The following PES1 variants were observed in gnomAD, a reference collection of about 807,000 sequenced individuals.
PES1 encodes pescadillo ribosomal biogenesis factor 1.
In PES1, 31 loss-of-function variants were observed where a neutral mutation model predicts 77.1. The observed-to-expected ratio is 0.40, with a 90% CI of 0.30 to 0.54. The LOEUF (loss-of-function observed/expected upper bound fraction) is 0.54. PES1 is among the 20% of genes least tolerant of loss of function. The pLI, the probability that PES1 is intolerant of heterozygous loss-of-function variation, is 0.45. For missense variants in PES1, 658 were observed against 771.7 expected, an observed-to-expected ratio of 0.85 and a Z score of 1.75; for synonymous variants, 282 against 303.0, an observed-to-expected ratio of 0.93 and a Z score of 0.72.
At chr22:30,605,973 T>C (rs894443228) in intron 1 of PES1, among the ~76,000 whole-genome samples, 2 of 152,238 alleles carry the variant, frequency 1.3e-5, no homozygotes, top group Non-Finnish European at 2.9e-5. Flanking sequence ...GAAAGGGAAC[T>C]GTTAGGATGA....
chr22:30,578,451 G>C (rs1022546890), intron 14 of PES1, among the ~76,000 whole-genome samples: 1 of 152,182 alleles, frequency 6.6e-6, no homozygotes, highest in Non-Finnish European at 1.5e-5. Flanking sequence ...GCATGAGTTT[G>C]TATTTTTAAT....
rs144358121 is a variant in PES1, at chr22:30,581,014, C to G, written c.910G>C (p.Gly304Arg). The G allele has an allele frequency of 6.2e-7, 1 of 1,612,118 alleles. No homozygotes were observed. The highest frequency in any genetic ancestry group is 2.2e-5 in the East Asian group (1 of 44,876). Residue 304 changes from glycine (G) to arginine (R), a missense_variant and splice_region_variant, in exon 9 of 15, where the codon GGG (glycine) becomes CGG (arginine). Coordinates refer to ENST00000354694, the MANE Select transcript of PES1 (RefSeq NM_014303.4). ...EAEVDEFPTD[G>R]EMSAQEEDRR... The stretch of plus-strand genomic sequence containing the variant: ...CCAGAAGGCAGTGCAGTGCTCACCC[C>G]ATCGGTGGGAAACTCATCCACCTCG...
chr22:30,596,209 G>C (rs1602025362), upstream of PES1, among the ~76,000 whole-genome samples: 1 of 152,130 alleles, frequency 6.6e-6, no homozygotes, highest in Middle Eastern at 3.4e-3. Flanking sequence ...CTTTTCTACT[G>C]GTGTTGAGAT....
At chr22:30,596,951 G>A (rs899190422) in intron 2 of PES1, among the ~76,000 whole-genome samples, 8 of 152,210 alleles carry the variant, frequency 5.3e-5, no homozygotes, top group Admixed American at 2.0e-4. Context: ...GCCCGCACTC[G>A]GAGAAGCCAG....
At chr22:30,598,960 G>A (rs954293338) in intron 2 of PES1, among the ~76,000 whole-genome samples, 3 of 119,520 alleles carry the variant, frequency 2.5e-5, no homozygotes, top group Non-Finnish European at 4.9e-5. Flanking sequence ...GCAGTGGTGC[G>A]ATCTTGGCTC....
Position 30,584,291 on chromosome 22 carries a change from A to T in PES1, c.630+74T>A, listed in dbSNP as rs570832671. On this transcript the variant is annotated intron_variant, in intron 6 of 14. Transcript: ENST00000354694. ...ACTTGCTAAACTCCATGGACAGCAA[A>T]ATCCCCCTTCCTCCACATCCATATC... is the stretch of plus-strand genomic sequence containing the variant. 8 of 1,220,180 alleles carry T rather than the reference A, an allele frequency of 6.6e-6. No individual in the cohort carries two copies. The Admixed American group carries it at 1.2e-4, about 18-fold the overall frequency. The allele number at this position is 1,220,180 out of a possible 1,614,324, so 75.6% of individuals were successfully genotyped here.
At chr22:30,595,621 A>G (rs4820872), upstream of PES1, among the ~76,000 whole-genome samples, 91,355 of 151,222 alleles carry the variant, frequency 0.6, 27,973 homozygotes, top group Middle Eastern at 0.67. Context: ...CCCTGGAGGG[A>G]ACCTTCCCCT....
rs1163466582 is a variant in PES1 at position 30,591,853 on chromosome 22, G to C, written c.-20C>G. 2.6e-6 allele frequency: 4 copies of C among 1,549,780 alleles called. No individual in the cohort carries two copies. The highest frequency in any genetic ancestry group is 2.4e-5 in the East Asian group (1 of 41,230). ...TCCCATCGCTCCACGTTGAGGAGCC[G>C]ACTAGGGCCGCGCGTACAGGGAGCT... is the stretch of plus-strand genomic sequence containing the variant. On this transcript the variant is annotated 5_prime_UTR_variant, in exon 1 of 15. Coordinates refer to ENST00000354694, the MANE Select transcript of PES1 (RefSeq NM_014303.4).
intron 2 of PES1, among the ~76,000 whole-genome samples, chr22:30,596,937 G>GCGGGCCCGCACT (rs546048475): frequency 0.017 from 2,518 of 152,312 alleles, 34 homozygotes; most frequent in South Asian, 0.043. Context: ...CGTGAGCTTG[G>GCGGGCCCGCACT]CGGGCCCGCA....
At chr22:30,580,522 C>A in intron 10 of PES1, 49 bp downstream of exon 10, 1 of 1,608,298 alleles carries the variant, frequency 6.2e-7, no homozygotes, top group Non-Finnish European at 8.5e-7. Context: ...GGACCCAGAC[C>A]AGAGCATGGC....
rs931726788 is a variant in PES1 at position 30,591,898 on chromosome 22, CCCT to C, written c.-68_-66del. On this transcript the variant is annotated 5_prime_UTR_variant, in exon 1 of 15. Transcript: ENST00000354694. ...GGAGCTCCACTTCCTCCCGCACGTG[CCCT>C]GCCAAGGACCCCGAGGACCCTCCCC... The C allele has an allele frequency of 6.6e-6, 10 of 1,524,732 alleles. No individual in the cohort carries two copies. The Admixed American group carries it at 2.1e-4, about 32-fold the overall frequency. The allele number at this position is 1,524,732 out of a possible 1,614,324, so 94.5% of individuals were successfully genotyped here.
At chr22:30,598,884 A>ATTTTTTTTTTTTTTTTTTTTTTTTTT (rs1569031688) in intron 2 of PES1, among the ~76,000 whole-genome samples, 1 of 46,260 alleles carries the variant, frequency 2.2e-5, no homozygotes, top group African/African-American at 7.5e-5. Flanking sequence ...ACTTAAGTAA[A>ATTTTTTTTTTTTTTTTTTTTTTTTTT]ATTTTTTTTT....
At chr22:30,602,766 T>C (rs934964823) in intron 2 of PES1, among the ~76,000 whole-genome samples, 1 of 152,242 alleles carries the variant, frequency 6.6e-6, no homozygotes, top group African/African-American at 2.4e-5. Context: ...TAGTTAGGTC[T>C]ATTTCAAGTT....
chr22:30,580,720 G>A lies in PES1; in HGVS notation c.913-19C>T. 1 of 1,612,414 alleles carries A rather than the reference G, an allele frequency of 6.2e-7. No homozygotes were observed. Among genetic ancestry groups the A allele is most frequent in the Non-Finnish European group, 8.5e-7 (1 of 1,179,980 alleles). ...ACATCTCCTGTTGAGAAAGGGGCCAGGCCTCGCACCACCAGGGCTGCCCAC... is the reference window on the plus strand; with the variant it reads ...ACATCTCCTGTTGAGAAAGGGGCCAAGCCTCGCACCACCAGGGCTGCCCAC... On this transcript the variant is annotated intron_variant, in intron 9 of 14. Transcript: ENST00000354694.
At position 30,579,279 on chromosome 22, in the gene PES1, T is replaced by C; in HGVS notation, c.1379A>G (p.Glu460Gly). Residue 460 changes from glutamate (E) to glycine (G), a missense_variant, in exon 13 of 15, where the codon GAG becomes GGG. By Grantham distance (98) the Glu-to-Gly change is moderately conservative (BLOSUM62 -2). Coordinates refer to ENST00000354694, the MANE Select transcript of PES1 (RefSeq NM_014303.4). ...DPGNLNESEE[E>G]EEEDDNNEGD... is the part of the protein sequence containing the mutation. The stretch of plus-strand genomic sequence containing the variant: ...TTCGTTGTTGTCGTCCTCTTCCTCC[T>C]CCTCTTCTGACTCATTCAGGTTTCC... 6.2e-7 allele frequency: 1 copy of C among 1,601,114 alleles called. No homozygotes were observed. Among genetic ancestry groups the C allele is most frequent in the Non-Finnish European group, 8.5e-7 (1 of 1,179,774 alleles).
chr22:30,605,756 CATTTAAAAT>C (rs894507664), intron 1 of PES1, among the ~76,000 whole-genome samples: 4 of 152,158 alleles, frequency 2.6e-5, no homozygotes, highest in African/African-American at 9.7e-5. Context: ...GACAACCTAT[CATTTAAAAT>C]TTTCAAGTAG....
intron 1 of PES1, 68 bp downstream of exon 1, chr22:30,591,742 A>G: frequency 1.3e-6 from 2 of 1,513,236 alleles, no homozygotes; most frequent in Non-Finnish European, 1.8e-6. Context: ...CCGGGAAAAG[A>G]GTCGACCCCA....
chr22:30,605,144 C>T (rs763995060), intron 2 of PES1, among the ~76,000 whole-genome samples: 2 of 152,118 alleles, frequency 1.3e-5, no homozygotes, highest in Non-Finnish European at 2.9e-5. Flanking sequence ...TACAGGCACA[C>T]ACCACCATCC....
upstream of PES1, chr22:30,592,106 G>A (rs918801275): frequency 2.1e-5 from 27 of 1,279,390 alleles, no homozygotes; most frequent in Non-Finnish European, 2.0e-6. Flanking sequence ...AAACAAACGT[G>A]GATATACAGG....
Sources: allele counts gnomAD v4.1 joint callset (sites outside exome capture counted in the v4.1 genomes callset), GRCh38; gene constraint gnomAD v4.1.1; transcripts MANE v1.5; gene names NCBI Gene and HGNC (gene_info 2026-07-23, HGNC 2026-07-21).